Variants in GNA12 observed in about 807,000 individuals in gnomAD.
GNA12 encodes the protein guanine nucleotide-binding protein subunit alpha-12.
GNA12 carries 9 observed loss-of-function variants against 26.0 expected under a neutral mutation model. The ratio of observed to expected loss-of-function variants is 0.35; its 90% CI spans 0.21 to 0.60. The LOEUF is 0.60. Among genes scored for constraint, GNA12 ranks in the 20% least tolerant of loss-of-function variants. The pLI, the probability that GNA12 is intolerant of heterozygous loss-of-function variation, is 0.78. For missense variants in GNA12, 405 were observed against 525.8 expected (o/e 0.77, Z 2.25); for synonymous variants, 264 against 219.6 (o/e 1.20, Z -1.79).
chr7:2,746,757 C>T (rs567079990), intron 2 of GNA12, among the ~76,000 whole-genome samples: 3,524 of 151,430 alleles, frequency 0.023, 91 homozygotes, highest in Middle Eastern at 0.075. Flanking sequence ...ATCAACAAAA[C>T]TGATAGACCG....
At chr7:2,822,038 T>C (rs961734130) in intron 1 of GNA12, among the ~76,000 whole-genome samples, 1 of 152,214 alleles carries the variant, frequency 6.6e-6, no homozygotes, top group Non-Finnish European at 1.5e-5. Context: ...TGACTAGAAC[T>C]ATGTAAAATG....
intron 2 of GNA12, among the ~76,000 whole-genome samples, chr7:2,750,828 C>T (rs559193700): frequency 8.5e-5 from 13 of 152,214 alleles, no homozygotes; most frequent in African/African-American, 2.4e-4. Flanking sequence ...GAACCAGATT[C>T]GGATATGGCG....
chr7:2,836,838 C>T (rs1778850457), intron 1 of GNA12, among the ~76,000 whole-genome samples: 1 of 152,232 alleles, frequency 6.6e-6, no homozygotes, highest in Admixed American at 6.5e-5. Context: ...GCAGGAGAAT[C>T]GCTTGAACCT....
intron 1 of GNA12, among the ~76,000 whole-genome samples, chr7:2,817,344 G>A (rs1793241623): frequency 6.6e-6 from 1 of 152,054 alleles, no homozygotes; most frequent in African/African-American, 2.4e-5. Flanking sequence ...GACTTCAGGT[G>A]ATTCCTCCCA....
chr7:2,843,817 C>A (rs1328933505), intron 1 of GNA12, 36 bp downstream of exon 1: 6 of 1,299,590 alleles, frequency 4.6e-6, no homozygotes, highest in East Asian at 3.1e-5. Flanking sequence ...CCCCGGCCCA[C>A]CTGGGTGCAG....
chr7:2,771,499 A>G (rs1468231444), intron 2 of GNA12, among the ~76,000 whole-genome samples: 1 of 152,030 alleles, frequency 6.6e-6, no homozygotes, highest in Non-Finnish European at 1.5e-5. Context: ...GTCGGCATCT[A>G]TCCCTCCATG....
At chr7:2,810,667 C>T (rs1214294402) in intron 1 of GNA12, among the ~76,000 whole-genome samples, 7 of 152,204 alleles carry the variant, frequency 4.6e-5, no homozygotes, top group East Asian at 3.9e-4. Flanking sequence ...GAGGCTGAGG[C>T]GGGCAGATCA....
Position 2,822,981 on chromosome 7 carries a change from C to A in GNA12, c.309+20872G>T, listed in dbSNP as rs577164001. On this transcript the variant is annotated intron_variant, in intron 1 of 3. Coordinates refer to ENST00000275364, the MANE Select transcript of GNA12 (RefSeq NM_007353.3). ...CTGCCCATTCCCTGGCCTCCCATTA[C>A]TGGAATTCAACATGGTTTAGGAGAT... 9.2e-4 allele frequency among the ~76,000 whole-genome samples: 140 copies of A among 152,316 alleles called. 1 individual carries two copies. Among genetic ancestry groups the A allele is most frequent in the African/African-American group, 3.3e-3 (138 of 41,568 alleles).
chr7:2,842,752 C>G (rs187437711), intron 1 of GNA12, among the ~76,000 whole-genome samples: 3 of 152,200 alleles, frequency 2.0e-5, no homozygotes. Context: ...TGATAATGAG[C>G]TATTACTAAT....
intron 1 of GNA12, among the ~76,000 whole-genome samples, chr7:2,831,497 G>A (rs1296652242): frequency 2.7e-5 from 4 of 146,822 alleles, no homozygotes; most frequent in East Asian, 2.0e-4. Flanking sequence ...TACACCTCCC[G>A]GGTTCACGCC....
chr7:2,735,191 C>T (rs528802518), intron 2 of GNA12, among the ~76,000 whole-genome samples: 5 of 152,342 alleles, frequency 3.3e-5, no homozygotes, highest in Admixed American at 3.3e-4. Flanking sequence ...TCCCCTGGGC[C>T]TCGGGAGGTG....
At chr7:2,790,851 G>A (rs1008142004) in intron 2 of GNA12, among the ~76,000 whole-genome samples, 1 of 152,164 alleles carries the variant, frequency 6.6e-6, no homozygotes, top group African/African-American at 2.4e-5. Flanking sequence ...GCACATGCCT[G>A]TGATCCCAAC....
chr7:2,797,606 C>T (rs1187290308), intron 1 of GNA12, among the ~76,000 whole-genome samples: 1 of 152,138 alleles, frequency 6.6e-6, no homozygotes, highest in Non-Finnish European at 1.5e-5. Context: ...ATCCATTCTG[C>T]CTCCTTCATC....
chr7:2,815,535 A>T lies in GNA12; in HGVS notation c.310-20392T>A, dbSNP rs149384208. On this transcript the variant is annotated intron_variant, in intron 1 of 3. Transcript: ENST00000275364. ...GCCTCTGCCAACCACCCCAGGGCCA[A>T]GCACTGGACAACCAGGGACCACCCT... Among the ~76,000 whole-genome samples, 459 of 152,346 alleles carry T rather than the reference A, an allele frequency of 3.0e-3. 3 individuals are homozygous for T. The highest frequency in any genetic ancestry group is 0.01 in the Middle Eastern group (3 of 294).
intron 2 of GNA12, among the ~76,000 whole-genome samples, chr7:2,791,398 G>A (rs527640753): frequency 1.3e-5 from 2 of 152,356 alleles, no homozygotes; most frequent in East Asian, 3.9e-4. Context: ...GGAAAGGGAA[G>A]ATTTCCATCC....
chr7:2,794,880 G>C, intron 2 of GNA12, 48 bp downstream of exon 2: 1 of 1,337,518 alleles, frequency 7.5e-7, no homozygotes, highest in Non-Finnish European at 1.1e-6. Context: ...AAATAGTCAT[G>C]TAAAAAACAC....
At chr7:2,811,896 GAA>G (rs1793090513) in intron 1 of GNA12, among the ~76,000 whole-genome samples, 2 of 152,208 alleles carry the variant, frequency 1.3e-5, no homozygotes, top group Non-Finnish European at 2.9e-5. Flanking sequence ...AGAGCCAAGT[GAA>G]AAGTCCCATG....
intron 2 of GNA12, among the ~76,000 whole-genome samples, chr7:2,757,031 G>A (rs1359983550): frequency 2.0e-5 from 3 of 152,032 alleles, no homozygotes; most frequent in Non-Finnish European, 2.9e-5. Flanking sequence ...CCGTGATTGT[G>A]CCAGTGGCAC....
chr7:2,799,638 A>G (rs1054706408), intron 1 of GNA12, among the ~76,000 whole-genome samples: 3 of 152,170 alleles, frequency 2.0e-5, no homozygotes, highest in Non-Finnish European at 1.5e-5. Flanking sequence ...GAAAATGGGC[A>G]AAATTCAGCA....
Sources: allele counts gnomAD v4.1 joint callset (sites outside exome capture counted in the v4.1 genomes callset), GRCh38; gene constraint gnomAD v4.1.1; transcripts MANE v1.5; gene names NCBI Gene and HGNC (gene_info 2026-07-23, HGNC 2026-07-21).